The following SPAG16 variants were observed in gnomAD, a reference collection of about 807,000 sequenced individuals.
SPAG16 encodes the protein sperm-associated antigen 16 protein.
Under a neutral mutation model 80.4 loss-of-function variants are expected in SPAG16, and 86 were observed. The observed-to-expected ratio is 1.07, with a 90% CI of 0.90 to 1.28. The LOEUF (loss-of-function observed/expected upper bound fraction) is 1.28, where lower values mean the gene tolerates loss of function less well. Among genes scored for constraint, SPAG16 ranks in the 50% most tolerant of loss-of-function variants. SPAG16 has a pLI of 0.00. For synonymous variants in SPAG16, 294 were observed against 265.9 expected, an observed-to-expected ratio of 1.11 and a Z score of -1.03; for missense variants, 870 against 765.3, an observed-to-expected ratio of 1.14 and a Z score of -1.61.
chr2:213,907,821 CG>C (rs1277418258), intron 11 of SPAG16, among the ~76,000 whole-genome samples: 3 of 151,940 alleles, frequency 2.0e-5, no homozygotes, highest in African/African-American at 7.3e-5. Flanking sequence ...GCTAAAAAAA[CG>C]TTGAGCACAT....
At chr2:213,351,156 A>C (rs2065307384) in intron 7 of SPAG16, among the ~76,000 whole-genome samples, 1 of 152,142 alleles carries the variant, frequency 6.6e-6, no homozygotes, top group African/African-American at 2.4e-5. Flanking sequence ...AAAAAAATTA[A>C]ATTAAATATC....
chr2:213,864,222 T>C (rs2075597489), intron 11 of SPAG16, among the ~76,000 whole-genome samples: 1 of 152,088 alleles, frequency 6.6e-6, no homozygotes, highest in Admixed American at 6.6e-5. Context: ...TGAAAAAATA[T>C]ATATGTACCT....
chr2:214,301,907 C>G (rs1249452595), intron 15 of SPAG16, among the ~76,000 whole-genome samples: 2 of 152,094 alleles, frequency 1.3e-5, no homozygotes, highest in African/African-American at 4.8e-5. Flanking sequence ...TGGATGTAGA[C>G]ATTCAATACT....
chr2:213,883,862 G>C (rs1427658775), intron 11 of SPAG16, among the ~76,000 whole-genome samples: 1 of 152,072 alleles, frequency 6.6e-6, no homozygotes, highest in Non-Finnish European at 1.5e-5. Context: ...TGTTTTTATA[G>C]TAGATCTTTC....
At chr2:214,137,961 A>T (rs2125523970) in intron 14 of SPAG16, among the ~76,000 whole-genome samples, 1 of 152,180 alleles carries the variant, frequency 6.6e-6, no homozygotes, top group East Asian at 1.9e-4. Context: ...CCCCAAATCA[A>T]ACTAATTTAA....
rs546896610 is a variant in SPAG16 at position 213,408,887 on chromosome 2, C to A, written c.942+33768C>A. On this transcript the variant is annotated intron_variant, in intron 9 of 15. Transcript: ENST00000331683. ...TAATAGTAAAGAATAATTAAAATCC[C>A]AAACTTAGAAGGTTTTCAAGAAACG... Among the ~76,000 whole-genome samples the A allele has an allele frequency of 2.0e-5, 3 of 152,224 alleles. No individual in the cohort carries two copies. The East Asian group carries it at 5.8e-4, about 29-fold the overall frequency.
chr2:213,339,371 G>A (rs1371813812), intron 5 of SPAG16, among the ~76,000 whole-genome samples: 2 of 152,198 alleles, frequency 1.3e-5, no homozygotes, highest in African/African-American at 4.8e-5. Context: ...TGTCAATGCT[G>A]TAGCACTTTG....
chr2:214,057,155 C>T (rs2049986174), intron 13 of SPAG16, among the ~76,000 whole-genome samples: 1 of 147,638 alleles, frequency 6.8e-6, no homozygotes. Context: ...TTGAATGTTC[C>T]TTTCCAGAAG....
chr2:214,206,214 C>G (rs1207252026), intron 15 of SPAG16, among the ~76,000 whole-genome samples: 1 of 152,012 alleles, frequency 6.6e-6, no homozygotes, highest in Non-Finnish European at 1.5e-5. Context: ...ATTGAACTTA[C>G]AACTAATTTC....
At chr2:214,178,623 A>T (rs956402402) in intron 15 of SPAG16, among the ~76,000 whole-genome samples, 1 of 151,372 alleles carries the variant, frequency 6.6e-6, no homozygotes, top group African/African-American at 2.4e-5. Context: ...GCTGATTCAC[A>T]TGCAGGAAAA....
At chr2:214,303,133 A>C (rs1694677201) in intron 15 of SPAG16, among the ~76,000 whole-genome samples, 1 of 152,166 alleles carries the variant, frequency 6.6e-6, no homozygotes, top group South Asian at 2.1e-4. Context: ...TTCAAAGTTA[A>C]TATTTATATG....
At chr2:213,302,514 A>C (rs2062778665) in intron 3 of SPAG16, 1 of 151,924 alleles carries the variant, frequency 6.6e-6, no homozygotes, top group Admixed American at 6.6e-5. Flanking sequence ...AATTCCCAGC[A>C]CCTTTCATGG....
intron 13 of SPAG16, among the ~76,000 whole-genome samples, chr2:214,046,805 G>C (rs2049348844): frequency 6.6e-6 from 1 of 151,132 alleles, no homozygotes; most frequent in African/African-American, 2.4e-5. Context: ...GACTTCACAA[G>C]AAAACTGTTA....
At chr2:213,882,158 C>G (rs528129987) in intron 11 of SPAG16, among the ~76,000 whole-genome samples, 1 of 152,118 alleles carries the variant, frequency 6.6e-6, no homozygotes, top group Admixed American at 6.6e-5. Context: ...GTTGAATCAG[C>G]CTTGCATTAC....
At chr2:213,398,016 T>C (rs1052201884) in intron 9 of SPAG16, among the ~76,000 whole-genome samples, 3 of 152,192 alleles carry the variant, frequency 2.0e-5, no homozygotes, top group Non-Finnish European at 2.9e-5. Flanking sequence ...CTCCACACTT[T>C]AGTTACTTAG....
intron 15 of SPAG16, among the ~76,000 whole-genome samples, chr2:214,287,859 G>A (rs116568556): frequency 6.6e-6 from 1 of 152,270 alleles, no homozygotes; most frequent in Admixed American, 6.5e-5. Context: ...AATAGGTAAT[G>A]ACCAAGTCAG....
At chr2:213,404,868 C>G (rs1457901463) in intron 9 of SPAG16, among the ~76,000 whole-genome samples, 1 of 151,768 alleles carries the variant, frequency 6.6e-6, no homozygotes, top group Non-Finnish European at 1.5e-5. Context: ...TTGGTAGCTC[C>G]TTTTTACTTG....
At chr2:214,014,946 A>T (rs551909026) in intron 13 of SPAG16, among the ~76,000 whole-genome samples, 112 of 152,308 alleles carry the variant, frequency 7.4e-4, no homozygotes, top group African/African-American at 2.5e-3. Flanking sequence ...AGCCAGAAAT[A>T]GATACTTCGA....
chr2:213,966,686 T>A (rs1401178848), intron 12 of SPAG16, among the ~76,000 whole-genome samples: 1 of 152,228 alleles, frequency 6.6e-6, no homozygotes, highest in Admixed American at 6.5e-5. Flanking sequence ...AGAGCAATAA[T>A]CCTTATTAAA....
Sources: allele counts gnomAD v4.1 joint callset (sites outside exome capture counted in the v4.1 genomes callset), GRCh38; gene constraint gnomAD v4.1.1; transcripts MANE v1.5; gene names NCBI Gene and HGNC (gene_info 2026-07-23, HGNC 2026-07-21).